PATJ: variants seen among roughly 807,000 people sequenced by gnomAD.
PATJ encodes the protein inaD-like protein.
In PATJ, 190 loss-of-function variants were observed where a neutral mutation model predicts 224.9. The observed-to-expected ratio is 0.84, with a 90% confidence interval of 0.75 to 0.95. PATJ has a LOEUF of 0.95. Ranked by LOEUF, PATJ falls within the 40% of genes least tolerant of loss-of-function variation. PATJ has a pLI of 0.00. For synonymous variants in PATJ, 769 were observed against 820.3 expected (o/e 0.94, Z 1.07); for missense variants, 2,121 against 2,270.3 (o/e 0.93, Z 1.34).
At chr1:61,781,341 T>C (rs542191474) in intron 7 of PATJ, among the ~76,000 whole-genome samples, 6 of 152,338 alleles carry the variant, frequency 3.9e-5, no homozygotes, top group Non-Finnish European at 8.8e-5. Context: ...TCACTTCTCC[T>C]TTCCTCTCAT....
chr1:62,112,248 G>A (rs1294496137), intron 34 of PATJ, among the ~76,000 whole-genome samples: 2 of 151,954 alleles, frequency 1.3e-5, no homozygotes, highest in African/African-American at 4.8e-5. Flanking sequence ...GCTCACGCCT[G>A]TAATCCCAGC....
intron 29 of PATJ, among the ~76,000 whole-genome samples, chr1:62,022,840 A>G (rs1291911089): frequency 2.0e-5 from 3 of 152,214 alleles, no homozygotes; most frequent in Non-Finnish European, 4.4e-5. Flanking sequence ...TCCTGTATCG[A>G]TTGAACATAT....
intron 43 of PATJ, 106 bp from the exon 44 acceptor site, chr1:62,160,802 G>T: frequency 1.7e-6 from 2 of 1,194,580 alleles, no homozygotes; most frequent in South Asian, 1.8e-5. Context: ...AGTTTTTAAA[G>T]TTACTCTTTT....
intron 33 of PATJ, among the ~76,000 whole-genome samples, chr1:62,106,182 A>ATATATATATATATATC (rs1410706437): frequency 1.9e-4 from 21 of 108,078 alleles, no homozygotes; most frequent in African/African-American, 6.1e-4. Flanking sequence ...ATATATATAT[A>ATATATATATATATATC]TATATGGCTG....
At chr1:62,090,779 G>A (rs1460557425) in intron 33 of PATJ, among the ~76,000 whole-genome samples, 1 of 152,044 alleles carries the variant, frequency 6.6e-6, no homozygotes, top group African/African-American at 2.4e-5. Context: ...AAAGACCAAG[G>A]CCTCTTACCT....
intron 31 of PATJ, among the ~76,000 whole-genome samples, chr1:62,066,547 C>G (rs546362674): frequency 1.3e-5 from 2 of 152,048 alleles, no homozygotes; most frequent in South Asian, 4.2e-4. Flanking sequence ...CCACACCTGG[C>G]CTGTGGGAAC....
chr1:61,967,564 T>C (rs1682353671), intron 27 of PATJ, among the ~76,000 whole-genome samples: 1 of 152,222 alleles, frequency 6.6e-6, no homozygotes, highest in Non-Finnish European at 1.5e-5. Context: ...TGTTAAAATA[T>C]TGATTCTCTC....
intron 38 of PATJ, among the ~76,000 whole-genome samples, chr1:62,122,300 G>A (rs1665155060): frequency 6.8e-6 from 1 of 146,980 alleles, no homozygotes; most frequent in African/African-American, 2.5e-5. Context: ...AAGAGGCAGA[G>A]ATGGCAGTGA....
intron 39 of PATJ, among the ~76,000 whole-genome samples, chr1:62,124,346 G>C (rs1264435680): frequency 1.3e-5 from 2 of 152,268 alleles, no homozygotes; most frequent in African/African-American, 4.8e-5. Context: ...GCCTTCTGAA[G>C]TGCTAGGATT....
intron 27 of PATJ, among the ~76,000 whole-genome samples, chr1:61,985,310 C>CA (rs66603413): frequency 0.27 from 40,131 of 149,968 alleles, 5,632 homozygotes; most frequent in East Asian, 0.45. Context: ...GACTCTGACT[C>CA]AAAAAAAAAG....
chr1:61,815,891 G>T (rs1656008586), intron 14 of PATJ, among the ~76,000 whole-genome samples: 1 of 152,108 alleles, frequency 6.6e-6, no homozygotes, highest in Non-Finnish European at 1.5e-5. Context: ...CACTTTTAGG[G>T]ATGGCTTTCT....
At chr1:62,107,378 A>C (rs377494771) in intron 33 of PATJ, among the ~76,000 whole-genome samples, 3 of 151,184 alleles carry the variant, frequency 2.0e-5, no homozygotes, top group East Asian at 3.9e-4. Context: ...TCCATTCAGC[A>C]CTCTTCGGTT....
chr1:62,042,993 C>T (rs1001661436), intron 30 of PATJ, among the ~76,000 whole-genome samples: 2 of 152,126 alleles, frequency 1.3e-5, no homozygotes, highest in African/African-American at 2.4e-5. Context: ...CGAAGGGTAT[C>T]GCAGAGAACA....
intron 27 of PATJ, among the ~76,000 whole-genome samples, chr1:61,954,754 T>TG (rs771464453): frequency 1.4e-5 from 2 of 139,068 alleles, no homozygotes; most frequent in Non-Finnish European, 3.1e-5. Flanking sequence ...CAAACTCTAT[T>TG]GTTTTTTTTT....
At chr1:61,882,331 G>A (rs1297028174) in intron 21 of PATJ, among the ~76,000 whole-genome samples, 1 of 152,190 alleles carries the variant, frequency 6.6e-6, no homozygotes, top group Non-Finnish European at 1.5e-5. Flanking sequence ...GGATATGGCT[G>A]AGAGAATAAG....
At chr1:62,046,076 C>A (rs1208122419) in intron 30 of PATJ, among the ~76,000 whole-genome samples, 1 of 152,086 alleles carries the variant, frequency 6.6e-6, no homozygotes, top group Non-Finnish European at 1.5e-5. Context: ...GTGGTGCATG[C>A]ATGTAGTCCC....
At chr1:62,037,858 A>G (rs1041730318) in intron 29 of PATJ, 119 bp from the exon 30 acceptor site, 6 of 363,056 alleles carry the variant, frequency 1.7e-5, no homozygotes, top group Middle Eastern at 4.8e-4. Flanking sequence ...ATATATATAT[A>G]TTTAATTCTA....
At chr1:61,998,040 T>TA (rs1345503048) in intron 28 of PATJ, among the ~76,000 whole-genome samples, 2 of 129,330 alleles carry the variant, frequency 1.5e-5, no homozygotes, top group South Asian at 2.2e-4. Context: ...ATTATATATT[T>TA]ATTATATATA....
At chr1:62,118,023 A>G (rs1331864347) in intron 37 of PATJ, among the ~76,000 whole-genome samples, 2 of 152,152 alleles carry the variant, frequency 1.3e-5, no homozygotes, top group South Asian at 2.1e-4. Context: ...TCTTACAGTT[A>G]GCACACAGTT....
Sources: gnomAD v4.1 joint callset for allele counts (sites outside exome capture counted in the v4.1 genomes callset) on GRCh38, gnomAD v4.1.1 for gene constraint, MANE v1.5 for transcripts, NCBI Gene and HGNC (gene_info 2026-07-23, HGNC 2026-07-21) for gene names.